PLCG2: variants seen among roughly 807,000 people sequenced by gnomAD.
PLCG2 encodes the protein phospholipase C gamma 2.
A neutral mutation model predicts 175.6 loss-of-function variants in PLCG2; 69 were observed. The observed-to-expected ratio is 0.39, with a 90% CI of 0.32 to 0.48. The LOEUF (loss-of-function observed/expected upper bound fraction) is 0.48, where lower values mean the gene tolerates loss of function less well. Among genes scored for constraint, PLCG2 ranks in the 20% least tolerant of loss-of-function variants. The pLI is 0.91. For synonymous variants in PLCG2, 827 were observed against 624.0 expected (o/e 1.33, Z -4.85); for missense variants, 1,798 against 1,650.9 (o/e 1.09, Z -1.54).
intron 2 of PLCG2, among the ~76,000 whole-genome samples, chr16:81,800,781 C>A (rs1911684584): frequency 6.6e-6 from 1 of 152,030 alleles, no homozygotes; most frequent in Non-Finnish European, 1.5e-5. Context: ...GAATATATTA[C>A]TCTATACGGC....
At position 81,960,292 on chromosome 16, in the gene PLCG2, G is replaced by T; in HGVS notation, c.*2294G>T. ...GTCTATGTGATGCTACATAACTTCA[G>T]TATCTAGCTGAGACATGCTTCCTAC... On this transcript the variant is annotated 3_prime_UTR_variant, in exon 33 of 33. Coordinates refer to ENST00000564138, the MANE Select transcript of PLCG2 (RefSeq NM_002661.5). 1 of 220,400 alleles carries T rather than the reference G, an allele frequency of 4.5e-6. No homozygotes were observed. The highest frequency in any genetic ancestry group is 6.7e-5 in the East Asian group (1 of 14,982). 13.7% of individuals were successfully genotyped at this position (220,400 alleles called of 1,614,324 possible).
rs747988983 is a variant in PLCG2, at chr16:81,831,825, C to T, written c.194-22619C>T. ...TCTAGCTGTCTGCAACAGGAACTGCCGGGAGGCCACGCTAGCCATCCCCCA... is the reference window on the plus strand; with the variant it reads ...TCTAGCTGTCTGCAACAGGAACTGCTGGGAGGCCACGCTAGCCATCCCCCA... On this transcript the variant is annotated intron_variant, in intron 2 of 32. Coordinates refer to ENST00000564138, the MANE Select transcript of PLCG2 (RefSeq NM_002661.5). Among the ~76,000 whole-genome samples the T allele has an allele frequency of 5.3e-5, 8 of 152,174 alleles. No homozygotes were observed. The South Asian group carries it at 6.2e-4, about 12-fold the overall frequency.
intron 2 of PLCG2, among the ~76,000 whole-genome samples, chr16:81,801,047 C>T (rs1911696306): frequency 6.6e-6 from 1 of 152,160 alleles, no homozygotes; most frequent in South Asian, 2.1e-4. Context: ...GAAAGCTTGT[C>T]CCAGTGATGC....
At chr16:81,767,246 G>A (rs1910171327) in intron 2 of PLCG2, among the ~76,000 whole-genome samples, 1 of 142,738 alleles carries the variant, frequency 7.0e-6, no homozygotes, top group Non-Finnish European at 1.5e-5. Flanking sequence ...CTGGGTTCAA[G>A]AGATTCTTGT....
At chr16:81,866,987 G>T (rs562007657) in intron 5 of PLCG2, among the ~76,000 whole-genome samples, 2 of 152,350 alleles carry the variant, frequency 1.3e-5, no homozygotes, top group East Asian at 3.9e-4. Context: ...GGCCCAACAG[G>T]GACTTTTTCT....
chr16:81,768,312 A>C (rs569678909), intron 2 of PLCG2, among the ~76,000 whole-genome samples: 4 of 152,336 alleles, frequency 2.6e-5, no homozygotes, highest in Admixed American at 2.0e-4. Flanking sequence ...CAAATGAAGG[A>C]CATTTGGGTT....
chr16:81,933,354 C>T (rs1295326835), intron 25 of PLCG2, among the ~76,000 whole-genome samples: 3 of 152,138 alleles, frequency 2.0e-5, no homozygotes, highest in East Asian at 1.9e-4. Context: ...GGGAAACCAG[C>T]GGCGGATAAA....
At chr16:81,812,338 C>A (rs112030485) in intron 2 of PLCG2, among the ~76,000 whole-genome samples, 1 of 151,916 alleles carries the variant, frequency 6.6e-6, no homozygotes, top group Admixed American at 6.6e-5. Flanking sequence ...CGTGAGCCAC[C>A]GCACCCGGCC....
chr16:81,940,907 T>A (rs1422834233), intron 30 of PLCG2, among the ~76,000 whole-genome samples: 1 of 152,240 alleles, frequency 6.6e-6, no homozygotes, highest in African/African-American at 2.4e-5. Context: ...TGAATTTTCC[T>A]TCTTCCTCTT....
chr16:81,931,725 G>A, intron 25 of PLCG2, 71 bp downstream of exon 25: 2 of 1,430,556 alleles, frequency 1.4e-6, no homozygotes, highest in South Asian at 1.2e-5. Flanking sequence ...TTGGGACTGT[G>A]GGTGGGTCCA....
intron 19 of PLCG2, among the ~76,000 whole-genome samples, chr16:81,918,352 A>T (rs1909927719): frequency 6.6e-6 from 1 of 152,248 alleles, no homozygotes; most frequent in Non-Finnish European, 1.5e-5. Flanking sequence ...TAAGTCTTTA[A>T]TCCATTTTGA....
intron 2 of PLCG2, among the ~76,000 whole-genome samples, chr16:81,854,177 G>T (rs756703063): frequency 6.6e-6 from 1 of 152,148 alleles, no homozygotes; most frequent in Non-Finnish European, 1.5e-5. Flanking sequence ...AGTTTAAAAT[G>T]TGTCTGTCTG....
rs180829419 is a variant in PLCG2 at position 81,883,648 on chromosome 16, G to A, written c.765+307G>A. On this transcript the variant is annotated intron_variant, in intron 9 of 32. Coordinates refer to ENST00000564138, the MANE Select transcript of PLCG2 (RefSeq NM_002661.5). The stretch of plus-strand genomic sequence containing the variant: ...GGAGGGGTGAGGGCCTGAGGATGGG[G>A]CTGCCCTCACCTGGCTGGGTGCACC... 2.2e-3 allele frequency: 928 copies of A among 422,106 alleles called. 11 individuals carry two copies. Among genetic ancestry groups the A allele is most frequent in the African/African-American group, 0.016 (794 of 49,542 alleles). The allele number at this position is 422,106 out of a possible 1,614,324, so 26.1% of individuals were successfully genotyped here. A position where few individuals can be genotyped will look rare whatever the true frequency, so the allele number is the denominator to read the frequency against.
At chr16:81,898,189 T>A in intron 13 of PLCG2, 2 of 197,368 alleles carry the variant, frequency 1.0e-5, no homozygotes, top group Non-Finnish European at 2.1e-5. Flanking sequence ...AGGAAGTTTT[T>A]TCTGGTTAAA....
At chr16:81,868,581 A>C (rs1907360485) in intron 5 of PLCG2, among the ~76,000 whole-genome samples, 1 of 152,134 alleles carries the variant, frequency 6.6e-6, no homozygotes, top group Admixed American at 6.5e-5. Context: ...TTAGGTGACA[A>C]AGCATTTGGC....
rs1012042317 is a variant in PLCG2, at chr16:81,757,392, C to T, written c.-48+1426C>T. On this transcript the variant is annotated intron_variant, in intron 2 of 5. Coordinates refer to the PLCG2 transcript ENST00000565054. ...CAGCCTGGCCAAGATGGTGAAACCC[C>T]GTCTCTACTAAAAATATAAACATTA... Among the ~76,000 whole-genome samples, 19 of 152,162 alleles carry T rather than the reference C, an allele frequency of 1.2e-4. No homozygotes were observed. The East Asian group carries it at 2.9e-3, about 23-fold the overall frequency.
intron 31 of PLCG2, 80 bp from the exon 32 acceptor site, chr16:81,956,615 T>C (rs960361466): frequency 7.6e-7 from 1 of 1,320,338 alleles, no homozygotes; most frequent in Non-Finnish European, 1.1e-6. Context: ...CCTTTGGGCA[T>C]GCTTGTGAGA....
intron 12 of PLCG2, among the ~76,000 whole-genome samples, chr16:81,895,231 T>A (rs12325585): frequency 0.023 from 3,507 of 152,234 alleles, 141 homozygotes; most frequent in African/African-American, 0.08. Context: ...ACAGGTAAAG[T>A]CAGAAAATAA....
chr16:81,910,468 G>A (rs1022211330), intron 17 of PLCG2, 52 bp from the exon 18 acceptor site: 10 of 1,540,842 alleles, frequency 6.5e-6, no homozygotes, highest in Admixed American at 3.3e-5. Flanking sequence ...CCTGGCTGCC[G>A]CAATGGCCTG....
Sources: gnomAD v4.1 joint callset for allele counts (sites outside exome capture counted in the v4.1 genomes callset) on GRCh38, gnomAD v4.1.1 for gene constraint, MANE v1.5 for transcripts, NCBI Gene and HGNC (gene_info 2026-07-23, HGNC 2026-07-21) for gene names.